Variants in DENND2C observed in about 807,000 individuals in gnomAD.
DENND2C encodes the protein DENN domain-containing protein 2C.
In DENND2C, 72 loss-of-function variants were observed where a neutral mutation model predicts 112.4. That is an observed-to-expected ratio of 0.64 (90% CI 0.53 to 0.78). The LOEUF (loss-of-function observed/expected upper bound fraction) is 0.78, where lower values mean the gene tolerates loss of function less well. Among genes scored for constraint, DENND2C ranks in the 30% least tolerant of loss-of-function variants. DENND2C has a pLI of 0.00. For missense variants in DENND2C, 992 were observed against 1,113.8 expected (o/e 0.89, Z 1.56); for synonymous variants, 329 against 381.6 (o/e 0.86, Z 1.61).
rs1655089660 is a variant in DENND2C, at chr1:114,588,053, G to C, written c.2432-101C>G. 6 of 974,128 alleles carry C rather than the reference G, an allele frequency of 6.2e-6. No individual in the cohort carries two copies. The Admixed American group carries it at 7.5e-5, about 12-fold the overall frequency. The allele number at this position is 974,128 out of a possible 1,614,324, so 60.3% of individuals were successfully genotyped here. A position where few individuals can be genotyped will look rare whatever the true frequency, so the allele number is the denominator to read the frequency against. On this transcript the variant is annotated intron_variant, in intron 18 of 20. Coordinates refer to ENST00000393274, the MANE Select transcript of DENND2C (RefSeq NM_001256404.2). ...TGGAAGTCGTGCCTAAGAAGTTATA[G>C]ATTAAAGGACTGAGAATAAATCTAG...
intron 3 of DENND2C, among the ~76,000 whole-genome samples, chr1:114,637,886 T>C (rs977355913): frequency 6.6e-6 from 1 of 152,142 alleles, no homozygotes; most frequent in African/African-American, 2.4e-5. Context: ...AATCTCCAGA[T>C]TGTTGAATCT....
chr1:114,599,247 A>G (rs1050414737), intron 16 of DENND2C, 27 bp downstream of exon 16: 3 of 1,554,236 alleles, frequency 1.9e-6, no homozygotes, highest in Admixed American at 3.4e-5. Flanking sequence ...CAATGCTCCA[A>G]TATTAGGTTC....
Position 114,623,068 on chromosome 1 carries a change from A to C in DENND2C, c.975T>G (p.Ile325Met). ...YPTKENPYED[I>M]PVQPLPMWRS... ...TCCACATAGGTAAAGGCTGCACTGG[A>C]ATATCTTCATATGGATTTTCTTTGG... Residue 325 changes from isoleucine to methionine, a missense_variant, in exon 6 of 21, where the codon ATT (isoleucine) becomes ATG (methionine). By Grantham distance (10) the Ile-to-Met change is conservative (BLOSUM62 1). Transcript: ENST00000393274. The C allele has an allele frequency of 6.2e-7, 1 of 1,611,722 alleles. No homozygotes were observed. The highest frequency in any genetic ancestry group is 1.7e-4 in the Middle Eastern group (1 of 6,052).
Position 114,584,687 on chromosome 1 carries a change from T to TA in DENND2C, c.*912dup, listed in dbSNP as rs1164896442. ...ACAGTGCATGGCACATGGTGGACAC[T>TA]AAAAAATAAAGGTGGCTCCCATGCC... On this transcript the variant is annotated 3_prime_UTR_variant, in exon 21 of 21. Transcript: ENST00000393274. 1 of 152,208 alleles carries TA rather than the reference T, an allele frequency of 6.6e-6. No homozygotes were observed. Among genetic ancestry groups the TA allele is most frequent in the Admixed American group, 6.5e-5 (1 of 15,278 alleles). The allele number at this position is 152,208 out of a possible 1,614,324, so 9.4% of individuals were successfully genotyped here.
At chr1:114,659,492 A>T (rs1274998995) in intron 1 of DENND2C, among the ~76,000 whole-genome samples, 1 of 152,074 alleles carries the variant, frequency 6.6e-6, no homozygotes, top group Non-Finnish European at 1.5e-5. Context: ...ACAGAGCTAG[A>T]CTCTGTCTCA....
At chr1:114,587,353 C>T (rs377330755) in intron 20 of DENND2C, 34 bp downstream of exon 20, 190 of 1,612,392 alleles carry the variant, frequency 1.2e-4, no homozygotes, top group Non-Finnish European at 2.3e-5. Flanking sequence ...GGTCTTCAGC[C>T]ACATTTATCT....
chr1:114,595,415 G>C (rs563572965), intron 17 of DENND2C: 6 of 154,912 alleles, frequency 3.9e-5, no homozygotes, highest in Non-Finnish European at 8.5e-5. Context: ...AGGAGGCGGC[G>C]GAGCTTGCAG....
chr1:114,619,847 C>T (rs1378680287), intron 7 of DENND2C, among the ~76,000 whole-genome samples: 1 of 152,010 alleles, frequency 6.6e-6, no homozygotes, highest in African/African-American at 2.4e-5. Flanking sequence ...TAAAACTATG[C>T]GATAAAGTGA....
At position 114,608,323 on chromosome 1, in the gene DENND2C, A is replaced by T. The variant is rs543275921; in HGVS notation, c.1557+363T>A. ...ACTGCTTAAAGTCACGGAACTAGTAAGTGGGAAATGCAGAGCTTTCACACA... is the reference window on the plus strand; with the variant it reads ...ACTGCTTAAAGTCACGGAACTAGTATGTGGGAAATGCAGAGCTTTCACACA... On this transcript the variant is annotated intron_variant, in intron 10 of 20. Coordinates refer to ENST00000393274, the MANE Select transcript of DENND2C (RefSeq NM_001256404.2). Among the ~76,000 whole-genome samples, 7 of 152,294 alleles carry T rather than the reference A, an allele frequency of 4.6e-5. No individual in the cohort carries two copies. In the East Asian group the frequency reaches 7.7e-4, roughly 17 times the overall value.
chr1:114,611,748 G>A (rs1021561791), intron 8 of DENND2C, among the ~76,000 whole-genome samples: 35 of 151,140 alleles, frequency 2.3e-4, no homozygotes, highest in African/African-American at 8.0e-4. Flanking sequence ...TCCCAAGGGA[G>A]TGTTTTTGTA....
intron 8 of DENND2C, among the ~76,000 whole-genome samples, chr1:114,614,847 C>A (rs1279602508): frequency 6.6e-6 from 1 of 151,880 alleles, no homozygotes; most frequent in African/African-American, 2.4e-5. Context: ...CTTGTCTCTT[C>A]TAAAAAAAAT....
Position 114,623,531 on chromosome 1 carries a change from C to T in DENND2C, c.919G>A (p.Asp307Asn). ...CATATGATATCTTCATAGATATTGT[C>T]CTCAGACTGTGTGTAATAAAGTGCT... ...GSALYYTQSEDNIYEDIIYPT... is the reference protein window; with the variant it reads ...GSALYYTQSENNIYEDIIYPT... The change falls in exon 5 of 21, where the codon GAC becomes AAC. Residue 307 changes from aspartate to asparagine, a missense_variant. This residue lies in a region of DENND2C where 470 missense variants were observed against 472.7 expected (regional missense o/e 0.99). Transcript: ENST00000393274. The T allele has an allele frequency of 6.2e-7, 1 of 1,609,056 alleles. No individual in the cohort carries two copies. The highest frequency in any genetic ancestry group is 8.5e-7 in the Non-Finnish European group (1 of 1,178,000).
intron 1 of DENND2C, among the ~76,000 whole-genome samples, chr1:114,659,227 G>A (rs1311595366): frequency 2.0e-5 from 3 of 152,112 alleles, no homozygotes; most frequent in East Asian, 3.9e-4. Flanking sequence ...GTGGCCAGGC[G>A]CGGTGACTCA....
At position 114,600,332 on chromosome 1, in the gene DENND2C, T is replaced by C; in HGVS notation, c.1977A>G (p.Pro659=). 6.2e-7 allele frequency: 1 copy of C among 1,614,146 alleles called. No homozygotes were observed. The highest frequency in any genetic ancestry group is 1.1e-5 in the South Asian group (1 of 91,066). ...AGDESIELCR[P]LDSRLEHVDF... ...CAACATGTTCCAATCGGGAATCTAG[T>C]GGTCGGCAGAGTTCAATGGACTGAA... Residue 659 remains proline (P), a synonymous_variant, in exon 15 of 21, where the codon CCA becomes CCG. Transcript: ENST00000393274.
intron 9 of DENND2C, among the ~76,000 whole-genome samples, chr1:114,609,973 G>T (rs2101654463): frequency 6.6e-6 from 1 of 152,260 alleles, no homozygotes; most frequent in Middle Eastern, 3.4e-3. Context: ...GGCTGAACCT[G>T]ATGATTATTA....
intron 3 of DENND2C, among the ~76,000 whole-genome samples, chr1:114,638,607 T>A (rs972496922): frequency 3.3e-5 from 5 of 151,246 alleles, no homozygotes; most frequent in Admixed American, 6.6e-5. Flanking sequence ...AAAAATTTTT[T>A]AAAAAATTAG....
chr1:114,653,728 A>G (rs1419054723), intron 2 of DENND2C, among the ~76,000 whole-genome samples: 1 of 152,182 alleles, frequency 6.6e-6, no homozygotes, highest in Non-Finnish European at 1.5e-5. Context: ...GTATTTTTCT[A>G]TATTAAGTAA....
In DENND2C at chr1:114,618,439, T is replaced by A; in HGVS notation, c.1271A>T (p.Lys424Met). The A allele has an allele frequency of 6.3e-7, 1 of 1,594,912 alleles. No individual in the cohort carries two copies. Among genetic ancestry groups the A allele is most frequent in the Non-Finnish European group, 8.5e-7 (1 of 1,173,178 alleles). The change falls in exon 8 of 21, where the codon AAG becomes ATG. Residue 424 changes from lysine (K) to methionine (M), a missense_variant. Transcript: ENST00000393274. Reference sequence around the variant, plus strand: ...GTAAGAATGTAACTTTACCTTCTTCTTCCCTCTTTTAGATTCAAATATGTC... The same window carrying A: ...GTAAGAATGTAACTTTACCTTCTTCATCCCTCTTTTAGATTCAAATATGTC... ...IDDIFESKRG[K>M]KKVKLHSYTG...
At chr1:114,635,356 AAC>A (rs751749859) in intron 3 of DENND2C, among the ~76,000 whole-genome samples, 87 of 151,282 alleles carry the variant, frequency 5.8e-4, no homozygotes, top group Non-Finnish European at 1.1e-3. Context: ...GAAATAGATG[AAC>A]ATAGGATAAA....
Sources: gnomAD v4.1 joint callset for allele counts (sites outside exome capture counted in the v4.1 genomes callset) on GRCh38, gnomAD v4.1.1 for gene constraint, gnomAD v4.1.1 regional missense constraint, MANE v1.5 for transcripts, NCBI Gene and HGNC (gene_info 2026-07-23, HGNC 2026-07-21) for gene names.